The following FAM193A variants were observed in gnomAD, a reference collection of about 807,000 sequenced individuals.
FAM193A encodes family with sequence similarity 193 member A.
In FAM193A, 22 loss-of-function variants were observed where a neutral mutation model predicts 126.5. That is an observed-to-expected ratio of 0.17 (90% CI 0.12 to 0.25). The LOEUF (loss-of-function observed/expected upper bound fraction) is 0.25. FAM193A is among the 10% of genes least tolerant of loss of function. The probability of loss-of-function intolerance (pLI) is 1.00; values close to 1 mark genes in which losing one functional copy is unlikely to be tolerated. For missense variants in FAM193A, 1,675 were observed against 1,672.8 expected (o/e 1.00, Z -0.02); for synonymous variants, 761 against 646.8 (o/e 1.18, Z -2.68).
intron 5 of FAM193A, among the ~76,000 whole-genome samples, chr4:2,633,232 TA>T (rs1367553261): frequency 6.6e-6 from 1 of 151,776 alleles, no homozygotes; most frequent in Non-Finnish European, 1.5e-5. Flanking sequence ...ACCCCGTCTC[TA>T]CTAAAAATAA....
At chr4:2,645,100 C>G (rs1003044667) in intron 6 of FAM193A, among the ~76,000 whole-genome samples, 1 of 151,596 alleles carries the variant, frequency 6.6e-6, no homozygotes, top group African/African-American at 2.4e-5. Flanking sequence ...TAACAAGTAT[C>G]TGGTTACCAA....
intron 4 of FAM193A, among the ~76,000 whole-genome samples, chr4:2,629,472 T>C (rs1019130989): frequency 2.6e-5 from 4 of 152,266 alleles, no homozygotes; most frequent in African/African-American, 9.6e-5. Flanking sequence ...ACACTATTTT[T>C]TTAATCCACA....
intron 13 of FAM193A, among the ~76,000 whole-genome samples, chr4:2,676,594 C>T (rs1714428055): frequency 6.6e-6 from 1 of 152,106 alleles, no homozygotes; most frequent in Non-Finnish European, 1.5e-5. Flanking sequence ...TATTTTCTCC[C>T]ATTCTGTGGG....
In FAM193A at chr4:2,689,549, A is replaced by G; in HGVS notation, c.2375A>G (p.Gln792Arg). Residue 792 changes from glutamine (Q) to arginine (R), a missense_variant, in exon 14 of 21, where the codon CAG becomes CGG. Around this residue, in one of 4 missense-constraint regions of FAM193A, gnomAD observed 1,186 missense variants for 1,109.2 expected, o/e 1.07. Coordinates refer to ENST00000637812, the MANE Select transcript of FAM193A (RefSeq NM_001366318.2). ...APVQNHTNKH[Q>R]VFNASLQDHI... ...GTTCAGAATCACACAAATAAGCATC[A>G]GGTATTCAATGCATCTCTTCAAGAC... 7 of 1,547,450 alleles carry G rather than the reference A, an allele frequency of 4.5e-6. No homozygotes were observed. Among genetic ancestry groups the G allele is most frequent in the Non-Finnish European group, 6.0e-6 (7 of 1,158,492 alleles).
intron 1 of FAM193A, among the ~76,000 whole-genome samples, chr4:2,547,766 C>T (rs1455431742): frequency 6.6e-6 from 1 of 151,722 alleles, no homozygotes; most frequent in Non-Finnish European, 1.5e-5. Context: ...GCTAGGATTA[C>T]AGATGTGCGT....
In FAM193A at chr4:2,596,294, A is replaced by G. The variant is rs975189594; in HGVS notation, c.466A>G (p.Lys156Glu). 1.4e-6 allele frequency: 1 copy of G among 702,880 alleles called. No individual in the cohort carries two copies. Among genetic ancestry groups the G allele is most frequent in the Non-Finnish European group, 2.6e-6 (1 of 384,990 alleles). 43.5% of individuals were successfully genotyped at this position (702,880 alleles called of 1,614,324 possible). ...VCPDCRRTVE[K>E]EERHGGLDQP... ...CCCGGACTGCCGCAGGACCGTGGAG[A>G]AGGAGGAGAGGCATGGCGGCCTTGA... Residue 156 changes from lysine to glutamate, a missense_variant, in exon 2 of 21, where the codon AAG (lysine) becomes GAG (glutamate). Transcript: ENST00000637812.
chr4:2,572,517 A>G (rs569077091), intron 1 of FAM193A, among the ~76,000 whole-genome samples: 2 of 152,114 alleles, frequency 1.3e-5, no homozygotes, highest in African/African-American at 4.8e-5. Context: ...CCTGATTTGT[A>G]AACTGAGAGA....
intron 1 of FAM193A, among the ~76,000 whole-genome samples, chr4:2,559,625 T>A (rs2108836757): frequency 6.6e-6 from 1 of 152,264 alleles, no homozygotes; most frequent in African/African-American, 2.4e-5. Flanking sequence ...TTCCTTACTC[T>A]CGCCGTAGTC....
At chr4:2,591,340 T>C (rs1740560847) in intron 1 of FAM193A, among the ~76,000 whole-genome samples, 1 of 152,168 alleles carries the variant, frequency 6.6e-6, no homozygotes, top group Admixed American at 6.6e-5. Context: ...TGTATCCTGC[T>C]TGATCCTTTG....
intron 1 of FAM193A, among the ~76,000 whole-genome samples, chr4:2,588,636 A>C (rs1021530657): frequency 2.0e-5 from 3 of 152,100 alleles, no homozygotes; most frequent in Non-Finnish European, 2.9e-5. Flanking sequence ...CTTAATTTTG[A>C]GATGCTACCT....
intron 1 of FAM193A, among the ~76,000 whole-genome samples, chr4:2,578,176 C>G (rs974150472): frequency 6.6e-6 from 1 of 152,262 alleles, no homozygotes; most frequent in East Asian, 1.9e-4. Flanking sequence ...AGCAATTTTC[C>G]CACCTCAGCC....
intron 1 of FAM193A, among the ~76,000 whole-genome samples, chr4:2,594,849 G>C (rs1232657181): frequency 6.9e-5 from 1 of 14,582 alleles, no homozygotes; most frequent in Non-Finnish European, 1.1e-4. Context: ...TTTTTTTTGA[G>C]ACTTAGTCTT....
At chr4:2,693,968 C>A in intron 16 of FAM193A, 94 bp downstream of exon 16, 1 of 1,340,298 alleles carries the variant, frequency 7.5e-7, no homozygotes, top group South Asian at 1.3e-5. Flanking sequence ...TGGGACCATG[C>A]AGTGGAAAAG....
chr4:2,587,931 G>A (rs766152352), intron 1 of FAM193A, among the ~76,000 whole-genome samples: 2 of 152,174 alleles, frequency 1.3e-5, no homozygotes, highest in African/African-American at 4.8e-5. Flanking sequence ...GACAGAATCA[G>A]TGGTCCTCAA....
intron 4 of FAM193A, among the ~76,000 whole-genome samples, chr4:2,627,063 A>G (rs1167890887): frequency 6.6e-6 from 1 of 151,788 alleles, no homozygotes; most frequent in East Asian, 1.9e-4. Context: ...GTTTCTCATG[A>G]TGCCGCAGCC....
At chr4:2,664,558 CTTTTTTTTTTTT>C (rs33958851) in intron 12 of FAM193A, among the ~76,000 whole-genome samples, 14 of 73,092 alleles carry the variant, frequency 1.9e-4, no homozygotes, top group African/African-American at 4.3e-4. Flanking sequence ...TATTTTCTTT[CTTTTTTTTTTTT>C]TTTTTTTTTT....
Position 2,690,943 on chromosome 4 carries a change from G to A in FAM193A, c.2776G>A (p.Val926Met). 2 of 1,614,028 alleles carry A rather than the reference G, an allele frequency of 1.2e-6. No individual in the cohort carries two copies. Among genetic ancestry groups the A allele is most frequent in the Non-Finnish European group, 8.5e-7 (1 of 1,179,910 alleles). The part of the protein sequence containing the change: ...TVQSSNSQFR[V>M]SSKRPPSVGD... The stretch of plus-strand genomic sequence containing the variant: ...GCAGTCCAGCAACAGCCAGTTCAGA[G>A]TGTCATCCAAGAGACCTCCTTCAGT... The change falls in exon 15 of 21, where the codon GTG becomes ATG. Residue 926 changes from valine to methionine, a missense_variant. Val to Met is a conservative substitution (Grantham distance 21). Coordinates refer to ENST00000637812, the MANE Select transcript of FAM193A (RefSeq NM_001366318.2).
Position 2,679,860 on chromosome 4 carries a change from A to AT in FAM193A, c.2331+7501dup, listed in dbSNP as rs35159259. ...GTTTGGGGCTTTTCTTTATTGGGTG[A>AT]TTTTTTTTTTTTTCTTTGAGACGGA... is the stretch of plus-strand genomic sequence containing the variant. On this transcript the variant is annotated intron_variant, in intron 13 of 20. Transcript: ENST00000637812. Among the ~76,000 whole-genome samples, 1,425 of 144,048 alleles carry AT rather than the reference A, an allele frequency of 9.9e-3. 24 individuals carry two copies. Among genetic ancestry groups the AT allele is most frequent in the African/African-American group, 0.033 (1,295 of 39,034 alleles). 94.5% of individuals were successfully genotyped at this position (144,048 alleles called of 152,430 possible).
chr4:2,623,278 T>C lies in FAM193A; in HGVS notation c.502-1984T>C, dbSNP rs1047481838. On this transcript the variant is annotated intron_variant, in intron 2 of 20. Coordinates refer to ENST00000637812, the MANE Select transcript of FAM193A (RefSeq NM_001366318.2). ...CTCTGCCTTCGGGTTCAAGCAATTC[T>C]CCTGCCTCAGCCTCCCGAGTAGCTG... Among the ~76,000 whole-genome samples, 5 of 152,072 alleles carry C rather than the reference T, an allele frequency of 3.3e-5. No homozygotes were observed. The East Asian group carries it at 9.7e-4, about 29-fold the overall frequency.
Sources: gnomAD v4.1 joint callset for allele counts (sites outside exome capture counted in the v4.1 genomes callset) on GRCh38, gnomAD v4.1.1 for gene constraint, gnomAD v4.1.1 regional missense constraint, MANE v1.5 for transcripts, NCBI Gene and HGNC (gene_info 2026-07-23, HGNC 2026-07-21) for gene names.